The following SCN10A variants were observed in gnomAD, a reference collection of about 807,000 sequenced individuals.
SCN10A encodes sodium channel protein type 10 subunit alpha.
A neutral mutation model predicts 170.7 loss-of-function variants in SCN10A; 162 were observed. The ratio of observed to expected loss-of-function variants is 0.95; its 90% CI spans 0.84 to 1.08. The LOEUF is 1.08. SCN10A is among the 50% of genes least tolerant of loss of function. The pLI, the probability that SCN10A is intolerant of heterozygous loss-of-function variation, is 0.00. For synonymous variants in SCN10A, 985 were observed against 904.6 expected, an observed-to-expected ratio of 1.09 and a Z score of -1.59; for missense variants, 2,527 against 2,436.9, an observed-to-expected ratio of 1.04 and a Z score of -0.78.
intron 15 of SCN10A, among the ~76,000 whole-genome samples, chr3:38,737,271 C>G (rs979605156): frequency 1.3e-5 from 2 of 152,076 alleles, no homozygotes; most frequent in East Asian, 1.9e-4. Flanking sequence ...CGCCCAGCCT[C>G]GTATTTTATT....
At chr3:38,714,508 T>C (rs2063310900) in intron 21 of SCN10A, among the ~76,000 whole-genome samples, 1 of 152,204 alleles carries the variant, frequency 6.6e-6, no homozygotes, top group Non-Finnish European at 1.5e-5. Flanking sequence ...ATCTGAATTA[T>C]ATTTGCTCAG....
At chr3:38,707,198 C>T in intron 26 of SCN10A, 81 bp downstream of exon 26, 1 of 1,460,984 alleles carries the variant, frequency 6.8e-7, no homozygotes, top group Non-Finnish European at 9.4e-7. Context: ...AGCACTCCCT[C>T]AGGCCCCTGC....
At chr3:38,804,892 A>C (rs1000498638) in intron 1 of SCN10A, among the ~76,000 whole-genome samples, 1 of 152,172 alleles carries the variant, frequency 6.6e-6, no homozygotes, top group African/African-American at 2.4e-5. Flanking sequence ...AAGGAGAAGA[A>C]AAAGGATATG....
chr3:38,700,104 C>CAAACA lies in SCN10A; in HGVS notation c.4658-1547_4658-1543dup, dbSNP rs932837051. 2.0e-5 allele frequency among the ~76,000 whole-genome samples: 3 copies of CAAACA among 151,806 alleles called. No individual in the cohort carries two copies. The East Asian group carries it at 5.8e-4, about 29-fold the overall frequency. On this transcript the variant is annotated intron_variant, in intron 27 of 27. Transcript: ENST00000449082. Reference sequence around the variant, plus strand: ...CTTTGGAATCTTTCATTTTGGAAGACAAACAAAACAAAACAAAAATGAAAA... The same window carrying CAAACA: ...CTTTGGAATCTTTCATTTTGGAAGACAAACAAAACAAAACAAAACAAAAATGAAAA...
At chr3:38,765,247 T>A (rs2063918940) in intron 5 of SCN10A, among the ~76,000 whole-genome samples, 1 of 152,208 alleles carries the variant, frequency 6.6e-6, no homozygotes, top group Admixed American at 6.5e-5. Context: ...TTGTTTTTGT[T>A]GGATTTGCTT....
Position 38,697,407 on chromosome 3 carries a change from C to T in SCN10A, c.5813G>A (p.Ser1938Asn). The part of the protein sequence containing the change: ...LSDRVNMRTS[S>N]SIQNEDEATS... ...GGCTTCATCTTCATTTTGTATTGAG[C>T]TAGATGTCCTCATGTTGACTCTATC... The change falls in exon 28 of 28, where the codon AGC (serine) becomes AAC (asparagine). Residue 1938 changes from serine (S) to asparagine (N), a missense_variant. Transcript: ENST00000449082. 6.2e-7 allele frequency: 1 copy of T among 1,614,202 alleles called. No individual in the cohort carries two copies. The highest frequency in any genetic ancestry group is 8.5e-7 in the Non-Finnish European group (1 of 1,180,036).
chr3:38,804,340 C>T (rs1255726794), intron 1 of SCN10A, among the ~76,000 whole-genome samples: 2 of 152,074 alleles, frequency 1.3e-5, no homozygotes, highest in Non-Finnish European at 2.9e-5. Flanking sequence ...AAACAGCAGC[C>T]CCTGGCCACT....
rs778169470 is a variant in SCN10A, at chr3:38,771,330, G to A, written c.548C>T (p.Thr183Met). The A allele has an allele frequency of 5.0e-6, 8 of 1,614,086 alleles. No individual in the cohort carries two copies. The highest frequency in any genetic ancestry group is 4.5e-5 in the East Asian group (2 of 44,868). Residue 183 changes from threonine to methionine, a missense_variant, in exon 5 of 28, where the codon ACG becomes ATG. Coordinates refer to ENST00000449082, the MANE Select transcript of SCN10A (RefSeq NM_006514.4). ...LARGFCLNEF[T>M]YLRDPWNWLD... ...CCAGTTCCAAGGATCTCTCAGGTAC[G>A]TGAACTCATTTAGACAAAATCCTCT...
chr3:38,815,993 C>G (rs1253531962), intron 1 of SCN10A, 44 bp downstream of exon 1: 1 of 152,222 alleles, frequency 6.6e-6, no homozygotes, highest in African/African-American at 2.4e-5. Context: ...AAGCACATAT[C>G]TTTACACTGT....
intron 4 of SCN10A, among the ~76,000 whole-genome samples, chr3:38,777,024 T>A (rs1466139323): frequency 6.6e-6 from 1 of 151,670 alleles, no homozygotes; most frequent in Non-Finnish European, 1.5e-5. Context: ...ATGGAAAAAA[T>A]TGATATAAAA....
At chr3:38,763,703 A>G in intron 5 of SCN10A, 107 bp from the exon 6 acceptor site, 1 of 775,730 alleles carries the variant, frequency 1.3e-6, no homozygotes, top group South Asian at 1.5e-5. Context: ...AAGGATGCAG[A>G]ATGGACACTT....
At chr3:38,762,819 G>A (rs866839743) in intron 6 of SCN10A, among the ~76,000 whole-genome samples, 17 of 152,156 alleles carry the variant, frequency 1.1e-4, no homozygotes, top group Middle Eastern at 3.2e-3. Context: ...ACAGATAAGA[G>A]AACGAATTCT....
rs202199966 is a variant in SCN10A at position 38,718,736 on chromosome 3, C to T, written c.3598G>A (p.Glu1200Lys). Reference sequence around the variant, plus strand: ...TAGGCCACCCACTTAAGCAGCATCTCGAACACAAAGATAAAGGTGAAGACC... The same window carrying T: ...TAGGCCACCCACTTAAGCAGCATCTTGAACACAAAGATAAAGGTGAAGACC... ...DRVFTFIFVF[E>K]MLLKWVAYGF... Residue 1200 changes from glutamate (E) to lysine (K), a missense_variant, in exon 21 of 28, where the codon GAG (glutamate) becomes AAG (lysine). By Grantham distance (56) the Glu-to-Lys change is moderately conservative. Coordinates refer to ENST00000449082, the MANE Select transcript of SCN10A (RefSeq NM_006514.4). The T allele has an allele frequency of 1.7e-5, 27 of 1,614,196 alleles. No individual in the cohort carries two copies. The highest frequency in any genetic ancestry group is 1.6e-4 in the Middle Eastern group (1 of 6,062).
chr3:38,760,524 T>G (rs926096975), intron 8 of SCN10A, among the ~76,000 whole-genome samples, 157 bp downstream of exon 8: 3 of 152,328 alleles, frequency 2.0e-5, no homozygotes, highest in African/African-American at 7.2e-5. Flanking sequence ...ACTCATACAT[T>G]CCCTCCCCAT....
chr3:38,776,762 G>A (rs1045407875), intron 4 of SCN10A, among the ~76,000 whole-genome samples: 1 of 152,004 alleles, frequency 6.6e-6, no homozygotes, highest in Non-Finnish European at 1.5e-5. Context: ...GAGAGAGTTG[G>A]AACATCCCAA....
chr3:38,810,421 G>A (rs1433268745), intron 1 of SCN10A, among the ~76,000 whole-genome samples: 1 of 152,158 alleles, frequency 6.6e-6, no homozygotes, highest in Admixed American at 6.5e-5. Flanking sequence ...TTGTTCACAA[G>A]TCACATTCTG....
chr3:38,756,531 C>A (rs954170421), intron 10 of SCN10A, 143 bp downstream of exon 10: 3 of 711,162 alleles, frequency 4.2e-6, no homozygotes. Context: ...TTTGAGAAAA[C>A]CTGATCTAAT....
chr3:38,761,148 G>A, intron 7 of SCN10A, 44 bp downstream of exon 7: 1 of 1,445,018 alleles, frequency 6.9e-7, no homozygotes. Flanking sequence ...ATGATACCAA[G>A]GGTCCAACCA....
intron 1 of SCN10A, among the ~76,000 whole-genome samples, chr3:38,809,698 G>C (rs1392529988): frequency 6.6e-6 from 1 of 152,134 alleles, no homozygotes; most frequent in Non-Finnish European, 1.5e-5. Context: ...TACAATGAGA[G>C]GATTGGTCTA....
Sources: gnomAD v4.1 joint callset for allele counts (sites outside exome capture counted in the v4.1 genomes callset) on GRCh38, gnomAD v4.1.1 for gene constraint, MANE v1.5 for transcripts, NCBI Gene and HGNC (gene_info 2026-07-23, HGNC 2026-07-21) for gene names.